TOPAZ1: variants seen among roughly 807,000 people sequenced by gnomAD.
TOPAZ1 encodes protein TOPAZ1.
In TOPAZ1, 66 loss-of-function variants were observed where a neutral mutation model predicts 172.2. The ratio of observed to expected loss-of-function variants is 0.38; its 90% CI spans 0.31 to 0.47. TOPAZ1 has a LOEUF of 0.47. Ranked by LOEUF, TOPAZ1 falls within the 20% of genes least tolerant of loss-of-function variation. TOPAZ1 has a pLI of 0.99. For synonymous variants in TOPAZ1, 681 were observed against 683.9 expected, an observed-to-expected ratio of 1.00 and a Z score of 0.07; for missense variants, 1,822 against 1,972.4, an observed-to-expected ratio of 0.92 and a Z score of 1.44.
intron 8 of TOPAZ1, among the ~76,000 whole-genome samples, chr3:44,278,097 G>A (rs202244730): frequency 2.6e-5 from 4 of 152,138 alleles, no homozygotes; most frequent in Non-Finnish European, 5.9e-5. Context: ...AAGGGATATT[G>A]AATTTTATTA....
chr3:44,262,167 A>G (rs779728833), intron 4 of TOPAZ1, among the ~76,000 whole-genome samples: 19 of 152,170 alleles, frequency 1.2e-4, no homozygotes, highest in Admixed American at 3.3e-4. Flanking sequence ...CAACTTGGGT[A>G]ATTAAAGGGG....
intron 11 of TOPAZ1, among the ~76,000 whole-genome samples, chr3:44,289,537 G>A (rs1015248979): frequency 5.3e-5 from 8 of 152,026 alleles, no homozygotes; most frequent in Non-Finnish European, 1.0e-4. Context: ...GTGTCTTAGG[G>A]TAGCATTTCT....
At chr3:44,245,561 G>T (rs1699554973) in intron 2 of TOPAZ1, among the ~76,000 whole-genome samples, 1 of 116,302 alleles carries the variant, frequency 8.6e-6, no homozygotes, top group Admixed American at 1.1e-4. Flanking sequence ...TTTTTTAACG[G>T]AGTCTCGCTC....
intron 9 of TOPAZ1, among the ~76,000 whole-genome samples, chr3:44,285,566 CATT>C (rs35215982): frequency 0.48 from 72,234 of 151,516 alleles, 18,042 homozygotes; most frequent in East Asian, 0.8. Context: ...AAGAAGGTAT[CATT>C]ATTTGTTTTT....
chr3:44,262,302 A>G (rs1241226957), intron 4 of TOPAZ1, 117 bp from the exon 5 acceptor site: 1 of 414,886 alleles, frequency 2.4e-6, no homozygotes, highest in Admixed American at 4.6e-5. Flanking sequence ...GGGATTGGCC[A>G]TAAACTAGTT....
At chr3:44,296,008 A>G (rs1180115736) in intron 12 of TOPAZ1, among the ~76,000 whole-genome samples, 3 of 152,206 alleles carry the variant, frequency 2.0e-5, no homozygotes, top group African/African-American at 4.8e-5. Context: ...AATTAAAACT[A>G]TACAGAGTAC....
intron 19 of TOPAZ1, among the ~76,000 whole-genome samples, chr3:44,330,423 ATGCTAAGCCC>A (rs1700654805): frequency 6.6e-6 from 1 of 152,210 alleles, no homozygotes; most frequent in African/African-American, 2.4e-5. Flanking sequence ...TGTCATTATC[ATGCTAAGCCC>A]TGCCTTGTTA....
intron 12 of TOPAZ1, among the ~76,000 whole-genome samples, chr3:44,291,222 A>G (rs1418198067): frequency 6.6e-6 from 1 of 151,354 alleles, no homozygotes; most frequent in Non-Finnish European, 1.5e-5. Flanking sequence ...TATTTGACTC[A>G]TTTTTTGTTG....
chr3:44,320,084 A>C (rs1700492418), intron 16 of TOPAZ1, among the ~76,000 whole-genome samples: 1 of 152,148 alleles, frequency 6.6e-6, no homozygotes. Flanking sequence ...GTTTTTCTCA[A>C]TGTGAAAATC....
intron 2 of TOPAZ1, among the ~76,000 whole-genome samples, chr3:44,245,598 G>A (rs917737793): frequency 7.9e-5 from 10 of 125,866 alleles, no homozygotes; most frequent in East Asian, 2.8e-4. Context: ...GTGCAGTGGC[G>A]CAATCTCAGC....
chr3:44,288,541 C>G (rs980091277), intron 11 of TOPAZ1, among the ~76,000 whole-genome samples: 1 of 151,966 alleles, frequency 6.6e-6, no homozygotes, highest in African/African-American at 2.4e-5. Context: ...AAAAATTAGC[C>G]GGGCATGGTG....
intron 12 of TOPAZ1, among the ~76,000 whole-genome samples, chr3:44,294,943 T>C (rs1700177433): frequency 6.6e-6 from 1 of 152,214 alleles, no homozygotes; most frequent in Non-Finnish European, 1.5e-5. Context: ...CTTAGGAAAT[T>C]TCTTAACATT....
intron 12 of TOPAZ1, among the ~76,000 whole-genome samples, chr3:44,292,709 T>TA (rs1700151351): frequency 6.6e-6 from 1 of 152,204 alleles, no homozygotes; most frequent in African/African-American, 2.4e-5. Flanking sequence ...GTTTTAACGA[T>TA]ACATGTATAC....
chr3:44,282,550 A>G (rs1700034909), intron 9 of TOPAZ1, among the ~76,000 whole-genome samples: 2 of 152,178 alleles, frequency 1.3e-5, no homozygotes, highest in South Asian at 4.1e-4. Flanking sequence ...CTTCAGGGCT[A>G]GGTCGTAGGA....
chr3:44,262,101 C>A (rs910289545), intron 4 of TOPAZ1, among the ~76,000 whole-genome samples: 1 of 152,120 alleles, frequency 6.6e-6, no homozygotes, highest in African/African-American at 2.4e-5. Context: ...AAAGCTCAAG[C>A]TTTTTTCTGA....
intron 12 of TOPAZ1, among the ~76,000 whole-genome samples, chr3:44,295,332 A>G (rs1002584416): frequency 3.9e-5 from 6 of 152,198 alleles, no homozygotes; most frequent in Non-Finnish European, 8.8e-5. Context: ...GATGAATAAT[A>G]TAGTATATTC....
Position 44,242,169 on chromosome 3 carries a change from A to C in TOPAZ1, c.116A>C (p.Glu39Ala). The C allele has an allele frequency of 6.5e-7, 1 of 1,545,422 alleles. No homozygotes were observed. Among genetic ancestry groups the C allele is most frequent in the Non-Finnish European group, 8.7e-7 (1 of 1,145,388 alleles). ...GGCGCGGCGGGAGGCTGTGGCCCTG[A>C]GGCCGGGGGGTGCCGGGAAAATAAG... is the stretch of plus-strand genomic sequence containing the variant. ...GPGAAGGCGP[E>A]AGGCRENKQK... is the part of the protein sequence containing the mutation. Residue 39 changes from glutamate to alanine, a missense_variant, in exon 1 of 20, where the codon GAG (glutamate) becomes GCG (alanine). Glu to Ala is a moderately radical substitution (Grantham distance 107, BLOSUM62 -1). Transcript: ENST00000309765.
chr3:44,243,303 G>A lies in TOPAZ1; in HGVS notation c.797G>A (p.Arg266Lys). Residue 266 changes from arginine (R) to lysine (K), a missense_variant, in exon 2 of 20, where the codon AGG (arginine) becomes AAG (lysine). Coordinates refer to ENST00000309765, the MANE Select transcript of TOPAZ1 (RefSeq NM_001145030.2). The stretch of plus-strand genomic sequence containing the variant: ...AATTTCTCAAAGAAAGAAAACCTTA[G>A]GAGTCTTGCAGAGAAGAGTGACACA... ...AENFSKKENL[R>K]SLAEKSDTNS... 1.3e-6 allele frequency: 2 copies of A among 1,551,466 alleles called. No homozygotes were observed. Among genetic ancestry groups the A allele is most frequent in the Non-Finnish European group, 1.7e-6 (2 of 1,146,924 alleles).
intron 4 of TOPAZ1, among the ~76,000 whole-genome samples, chr3:44,259,023 T>G (rs953800948): frequency 1.3e-5 from 2 of 152,182 alleles, no homozygotes; most frequent in African/African-American, 4.8e-5. Context: ...TTGGGCCAAG[T>G]TATAAGTAGA....
Sources: allele counts gnomAD v4.1 joint callset (sites outside exome capture counted in the v4.1 genomes callset), GRCh38; gene constraint gnomAD v4.1.1; transcripts MANE v1.5; gene names NCBI Gene and HGNC (gene_info 2026-07-23, HGNC 2026-07-21).